The following ACCSL variants were observed in gnomAD, a reference collection of about 807,000 sequenced individuals.
The protein encoded by ACCSL is 1-aminocyclopropane-1-carboxylate synthase homolog (inactive) like.
A neutral mutation model predicts 61.7 loss-of-function variants in ACCSL; 55 were observed. The ratio of observed to expected loss-of-function variants is 0.89; its 90% confidence interval spans 0.72 to 1.12. The LOEUF is 1.12. Ranked by LOEUF, ACCSL falls within the 50% of genes most tolerant of loss-of-function variation. ACCSL has a pLI of 0.00. For synonymous variants in ACCSL, 258 were observed against 264.3 expected (o/e 0.98, Z 0.23); for missense variants, 632 against 698.0 (o/e 0.91, Z 1.07).
At chr11:43,954,112 C>T in the ACCSL span, among the ~76,000 whole-genome samples, 8 of 152,200 alleles carry the variant, frequency 5.3e-5, no homozygotes, top group Non-Finnish European at 1.2e-4. Flanking sequence ...AGAGGACTTT[C>T]ACTCTCTGAT....
At chr11:43,954,541 G>A in the ACCSL span, among the ~76,000 whole-genome samples, 2 of 152,044 alleles carry the variant, frequency 1.3e-5, no homozygotes, top group Admixed American at 6.6e-5. Context: ...ATGCAGATGG[G>A]TTCTCTACCT....
chr11:44,014,437 C>T, the ACCSL span, among the ~76,000 whole-genome samples: 3 of 150,992 alleles, frequency 2.0e-5, no homozygotes, highest in South Asian at 4.2e-4. Context: ...ATCATGACAT[C>T]GCAGCTGGCT....
chr11:43,977,751 C>T, the ACCSL span, among the ~76,000 whole-genome samples: 1 of 152,232 alleles, frequency 6.6e-6, no homozygotes, highest in Non-Finnish European at 1.5e-5. Flanking sequence ...ACATCCCTCC[C>T]TCTGAATCTA....
chr11:43,991,600 C>A, the ACCSL span, among the ~76,000 whole-genome samples: 1 of 152,104 alleles, frequency 6.6e-6, no homozygotes, highest in Non-Finnish European at 1.5e-5. Context: ...TCAAGACCAC[C>A]CTGGCCAACA....
the ACCSL span, among the ~76,000 whole-genome samples, chr11:44,025,751 G>GT: frequency 9.5e-6 from 1 of 105,272 alleles, no homozygotes; most frequent in East Asian, 2.4e-4. Context: ...AATTCTCTCA[G>GT]TTACAAAAAA....
At chr11:43,948,303 A>G in the ACCSL span, among the ~76,000 whole-genome samples, 2 of 152,168 alleles carry the variant, frequency 1.3e-5, no homozygotes, top group Admixed American at 1.3e-4. Context: ...GAAAAATAGC[A>G]GAGGGGATAA....
chr11:44,022,652 G>T, the ACCSL span, among the ~76,000 whole-genome samples: 1 of 152,110 alleles, frequency 6.6e-6, no homozygotes, highest in East Asian at 1.9e-4. Context: ...TTGATTTTTG[G>T]ATGTTAACAC....
chr11:43,975,620 A>G, the ACCSL span, among the ~76,000 whole-genome samples: 2 of 152,358 alleles, frequency 1.3e-5, no homozygotes, highest in East Asian at 3.9e-4. Context: ...TAGACAGTGT[A>G]AACCCTAAAA....
the ACCSL span, chr11:43,943,224 G>T: frequency 3.3e-6 from 5 of 1,524,076 alleles, no homozygotes; most frequent in Non-Finnish European, 4.4e-6. The surrounding 1 kb of genome is among the most constrained non-coding windows in gnomAD (Gnocchi z 4.8). Flanking sequence ...CTCAGCAGCT[G>T]CAAACTGAGG....
chr11:44,056,099 T>C lies in ACCSL; in HGVS notation c.1185+14T>C. ...GGTACCAGTAAGGTGAGCCATTGCT[T>C]TCTCTCCTTGGCTAGGGAAGGAGGA... On this transcript the variant is annotated intron_variant, in intron 10 of 13. Coordinates refer to ENST00000378832, the MANE Select transcript of ACCSL (RefSeq NM_001031854.2). The C allele has an allele frequency of 1.2e-6, 2 of 1,614,208 alleles. No individual in the cohort carries two copies. The highest frequency in any genetic ancestry group is 1.3e-5 in the African/African-American group (1 of 75,070).
the ACCSL span, among the ~76,000 whole-genome samples, chr11:43,923,898 G>A: frequency 2.0e-5 from 3 of 152,212 alleles, no homozygotes; most frequent in Admixed American, 6.5e-5. Flanking sequence ...CTGTGTGTAC[G>A]ACGCTGTTAG....
the ACCSL span, among the ~76,000 whole-genome samples, chr11:43,987,171 C>A: frequency 1.3e-5 from 2 of 152,196 alleles, no homozygotes; most frequent in Non-Finnish European, 2.9e-5. Context: ...GGATTTCCAT[C>A]CCTTTGTCCA....
At chr11:44,003,915 C>A in the ACCSL span, among the ~76,000 whole-genome samples, 3 of 152,180 alleles carry the variant, frequency 2.0e-5, no homozygotes, top group Non-Finnish European at 2.9e-5. Flanking sequence ...CCTCACCAGG[C>A]CCTCACCCTC....
At chr11:44,003,821 C>T in the ACCSL span, among the ~76,000 whole-genome samples, 1 of 152,210 alleles carries the variant, frequency 6.6e-6, no homozygotes, top group Non-Finnish European at 1.5e-5. Context: ...GGAGCCTGAC[C>T]TGACTGCTGC....
At chr11:43,943,000 C>T in the ACCSL span, 25 of 1,506,312 alleles carry the variant, frequency 1.7e-5, no homozygotes, top group African/African-American at 8.7e-5. Flanking sequence ...TCCCGCAGCC[C>T]GTGCGGCCCG....
the ACCSL span, among the ~76,000 whole-genome samples, chr11:43,999,888 A>G: frequency 6.6e-6 from 1 of 152,174 alleles, no homozygotes; most frequent in African/African-American, 2.4e-5. Context: ...CAACACAACA[A>G]TGAAAAATAC....
the ACCSL span, among the ~76,000 whole-genome samples, chr11:44,010,177 C>A: frequency 9.2e-5 from 14 of 152,224 alleles, no homozygotes; most frequent in African/African-American, 2.4e-4. Flanking sequence ...CCCGTCTCTA[C>A]TAAAAATACA....
rs773455798 is a variant in ACCSL, at chr11:44,047,988, C to T, written c.-49C>T. The stretch of plus-strand genomic sequence containing the variant: ...TTGCTCCATTGTCAATGGTCTCTTT[C>T]TCCATAGGTGCCAGGCAGCCTTCAG... On this transcript the variant is annotated 5_prime_UTR_variant, in exon 1 of 14. Coordinates refer to ENST00000378832, the MANE Select transcript of ACCSL (RefSeq NM_001031854.2). The T allele has an allele frequency of 6.4e-7, 1 of 1,572,342 alleles. No individual in the cohort carries two copies. Among genetic ancestry groups the T allele is most frequent in the Non-Finnish European group, 8.6e-7 (1 of 1,156,842 alleles).
chr11:43,952,160 A>G, the ACCSL span, among the ~76,000 whole-genome samples: 1 of 151,260 alleles, frequency 6.6e-6, no homozygotes. Context: ...TGTACAGATT[A>G]TTTAGTCACT....
Sources: allele counts gnomAD v4.1 joint callset (sites outside exome capture counted in the v4.1 genomes callset), GRCh38; gene constraint gnomAD v4.1.1; non-coding constraint Gnocchi (gnomAD v3.1); transcripts MANE v1.5; gene names NCBI Gene and HGNC (gene_info 2026-07-23, HGNC 2026-07-21).